GSR: variants seen among roughly 807,000 people sequenced by gnomAD.
GSR encodes the protein glutathione reductase, mitochondrial.
GSR carries 48 observed loss-of-function variants against 56.5 expected under a neutral mutation model. The observed-to-expected ratio is 0.85, with a 90% CI of 0.67 to 1.08. The LOEUF (loss-of-function observed/expected upper bound fraction) is 1.08, where lower values mean the gene tolerates loss of function less well. GSR is among the 50% of genes least tolerant of loss of function. The probability of loss-of-function intolerance (pLI) is 0.00; values close to 1 mark genes in which losing one functional copy is unlikely to be tolerated. For missense variants in GSR, 694 were observed against 703.3 expected (o/e 0.99, Z 0.15); for synonymous variants, 264 against 270.8 (o/e 0.97, Z 0.25).
intron 3 of GSR, among the ~76,000 whole-genome samples, chr8:30,708,954 G>A (rs555417160): frequency 5.8e-4 from 74 of 128,144 alleles, no homozygotes; most frequent in Non-Finnish European, 9.1e-4. Flanking sequence ...GTGAGACTCC[G>A]TCTCAAAAAA....
At chr8:30,692,948 T>C (rs1286428331) in intron 8 of GSR, 21 bp downstream of exon 8, 2 of 1,526,376 alleles carry the variant, frequency 1.3e-6, no homozygotes, top group Non-Finnish European at 9.1e-7. Flanking sequence ...GCCGCGTGCA[T>C]GCCTGGGCTT....
intron 9 of GSR, chr8:30,687,421 G>A: frequency 6.6e-6 from 1 of 152,078 alleles, no homozygotes; most frequent in Non-Finnish European, 1.5e-5. Flanking sequence ...CACGGTGGGT[G>A]GATCACCTGA....
chr8:30,701,543 A>G (rs1445366730), intron 5 of GSR, among the ~76,000 whole-genome samples: 1 of 152,012 alleles, frequency 6.6e-6, no homozygotes, highest in Admixed American at 6.6e-5. Flanking sequence ...TAATCCCAGC[A>G]CTTTGGGAGG....
chr8:30,682,176 C>T (rs1477700417), intron 10 of GSR, 115 bp from the exon 11 acceptor site: 1 of 863,790 alleles, frequency 1.2e-6, no homozygotes, highest in African/African-American at 1.6e-5. Flanking sequence ...CAGTTTCACA[C>T]CATTGTTCAT....
chr8:30,709,682 G>A, intron 3 of GSR, 132 bp downstream of exon 3: 2 of 704,066 alleles, frequency 2.8e-6, no homozygotes, highest in South Asian at 3.0e-5. Context: ...ACTTAAAAAT[G>A]GCTAAACTGT....
chr8:30,703,965 A>G (rs768522868), intron 4 of GSR, among the ~76,000 whole-genome samples: 4 of 152,156 alleles, frequency 2.6e-5, no homozygotes, highest in Non-Finnish European at 4.4e-5. Flanking sequence ...CGTAAGAAAG[A>G]TGACATCTTT....
chr8:30,711,626 G>A (rs1224721194), intron 2 of GSR, among the ~76,000 whole-genome samples: 1 of 152,148 alleles, frequency 6.6e-6, no homozygotes, highest in East Asian at 1.9e-4. Context: ...GAGGTCAGGA[G>A]TTCGAGACCA....
intron 8 of GSR, among the ~76,000 whole-genome samples, chr8:30,692,748 C>T (rs1803430180): frequency 6.6e-6 from 1 of 151,198 alleles, no homozygotes; most frequent in South Asian, 2.1e-4. Flanking sequence ...GTGTTCCGCC[C>T]ACCTCAGCCT....
intron 6 of GSR, among the ~76,000 whole-genome samples, chr8:30,698,965 CT>C (rs1366032656): frequency 2.6e-5 from 4 of 152,300 alleles, no homozygotes; most frequent in Admixed American, 6.5e-5. Context: ...GAGAAACAAA[CT>C]TCCTCATGAT....
intron 4 of GSR, among the ~76,000 whole-genome samples, chr8:30,704,494 G>A (rs901313600): frequency 6.6e-6 from 1 of 152,188 alleles, no homozygotes; most frequent in African/African-American, 2.4e-5. Flanking sequence ...ACATGACACT[G>A]AAGTTCTACG....
At chr8:30,689,413 C>T in intron 8 of GSR, 94 bp from the exon 9 acceptor site, 1 of 1,050,780 alleles carries the variant, frequency 9.5e-7, no homozygotes, top group Non-Finnish European at 1.5e-6. Flanking sequence ...GAATTTTTAA[C>T]ATTAAAGAAA....
chr8:30,708,383 G>A (rs1236124644), intron 3 of GSR, among the ~76,000 whole-genome samples: 1 of 152,238 alleles, frequency 6.6e-6, no homozygotes, highest in African/African-American at 2.4e-5. Context: ...CTGCGCAGAA[G>A]ACAAGGAGAA....
At chr8:30,689,861 T>G (rs1044092458) in intron 8 of GSR, among the ~76,000 whole-genome samples, 1 of 142,584 alleles carries the variant, frequency 7.0e-6, no homozygotes, top group African/African-American at 2.5e-5. Flanking sequence ...ATAAATATAT[T>G]TATATATAAA....
At chr8:30,699,014 G>C (rs1013913197) in intron 6 of GSR, among the ~76,000 whole-genome samples, 2 of 152,142 alleles carry the variant, frequency 1.3e-5, no homozygotes, top group Admixed American at 1.3e-4. Flanking sequence ...CATTCAGCAC[G>C]GTGGCCCATG....
intron 11 of GSR, 77 bp downstream of exon 11, chr8:30,681,853 C>T (rs1802970966): frequency 7.3e-7 from 1 of 1,364,084 alleles, no homozygotes; most frequent in Non-Finnish European, 1.0e-6. Context: ...CATCAGCTGA[C>T]AGAGACCTAA....
intron 4 of GSR, among the ~76,000 whole-genome samples, chr8:30,707,664 A>G (rs1803960622): frequency 6.6e-6 from 1 of 152,080 alleles, no homozygotes; most frequent in South Asian, 2.1e-4. Context: ...GTCGTTAAAA[A>G]TAAAATAGGG....
At chr8:30,699,681 T>C (rs1427922499) in intron 6 of GSR, among the ~76,000 whole-genome samples, 1 of 151,640 alleles carries the variant, frequency 6.6e-6, no homozygotes, top group Non-Finnish European at 1.5e-5. Flanking sequence ...TGACCTCAGG[T>C]GATCTGCCCG....
chr8:30,722,115 C>G (rs1277107715), intron 1 of GSR, among the ~76,000 whole-genome samples: 2 of 152,160 alleles, frequency 1.3e-5, no homozygotes, highest in African/African-American at 4.8e-5. Context: ...TTTCCTAGCC[C>G]TGCAGATTTA....
At chr8:30,724,503 T>C (rs1024141596) in intron 1 of GSR, among the ~76,000 whole-genome samples, 11 of 151,418 alleles carry the variant, frequency 7.3e-5, no homozygotes, top group Admixed American at 2.7e-4. Context: ...GACCCATCTT[T>C]TGAGGTTCCG....
Sources: gnomAD v4.1 joint callset for allele counts (sites outside exome capture counted in the v4.1 genomes callset) on GRCh38, gnomAD v4.1.1 for gene constraint, MANE v1.5 for transcripts, NCBI Gene and HGNC (gene_info 2026-07-23, HGNC 2026-07-21) for gene names.